Variants in PTPRD observed in about 807,000 individuals in gnomAD.
The protein encoded by PTPRD is receptor-type tyrosine-protein phosphatase delta.
A neutral mutation model predicts 214.5 loss-of-function variants in PTPRD; 34 were observed. That is an observed-to-expected ratio of 0.16 (90% confidence interval 0.12 to 0.21). The LOEUF is 0.21. Ranked by LOEUF, PTPRD falls within the 10% of genes least tolerant of loss-of-function variation. The pLI is 1.00. For synonymous variants in PTPRD, 1,128 were observed against 845.7 expected, an observed-to-expected ratio of 1.33 and a Z score of -5.79; for missense variants, 2,545 against 2,398.7, an observed-to-expected ratio of 1.06 and a Z score of -1.27.
intron 9 of PTPRD, among the ~76,000 whole-genome samples, chr9:9,186,220 G>A (rs950198259): frequency 1.3e-5 from 2 of 152,122 alleles, no homozygotes; most frequent in Non-Finnish European, 2.9e-5. Flanking sequence ...CAATCTGGGG[G>A]AGAGAAAGAA....
At chr9:10,385,887 T>A (rs1323236894) in intron 2 of PTPRD, among the ~76,000 whole-genome samples, 1 of 151,876 alleles carries the variant, frequency 6.6e-6, no homozygotes, top group African/African-American at 2.4e-5. Context: ...TTTATGATTA[T>A]AAGAGATAAT....
At chr9:8,635,758 T>G (rs931241342) in intron 13 of PTPRD, among the ~76,000 whole-genome samples, 1 of 152,120 alleles carries the variant, frequency 6.6e-6, no homozygotes, top group East Asian at 1.9e-4. Flanking sequence ...TTCAGGCAGT[T>G]TGGGGGTATT....
intron 35 of PTPRD, among the ~76,000 whole-genome samples, chr9:8,424,281 G>A (rs1031384558): frequency 5.3e-5 from 8 of 152,098 alleles, no homozygotes; most frequent in Non-Finnish European, 1.2e-4. Flanking sequence ...GTGGTGAAAG[G>A]AAATCAACTC....
chr9:9,540,327 G>A (rs957118852), intron 8 of PTPRD, among the ~76,000 whole-genome samples: 1 of 151,808 alleles, frequency 6.6e-6, no homozygotes, highest in Non-Finnish European at 1.5e-5. Flanking sequence ...GAGGTAAAGA[G>A]ACATGATTTC....
intron 11 of PTPRD, among the ~76,000 whole-genome samples, chr9:8,981,943 T>C (rs1490096834): frequency 6.6e-6 from 1 of 152,038 alleles, no homozygotes; most frequent in Non-Finnish European, 1.5e-5. Flanking sequence ...ACTGACTCTC[T>C]AGGATGATTT....
chr9:8,328,065 T>A (rs1328372486), intron 44 of PTPRD, among the ~76,000 whole-genome samples: 1 of 152,208 alleles, frequency 6.6e-6, no homozygotes, highest in Non-Finnish European at 1.5e-5. Context: ...GTCATTATGA[T>A]GTTTGCTGGT....
intron 27 of PTPRD, among the ~76,000 whole-genome samples, chr9:8,489,329 G>C (rs1230184235): frequency 6.6e-6 from 1 of 152,186 alleles, no homozygotes; most frequent in East Asian, 1.9e-4. Context: ...CGAGATCAAA[G>C]TAATGATATA....
intron 5 of PTPRD, among the ~76,000 whole-genome samples, chr9:9,867,361 T>C: frequency 6.6e-6 from 1 of 152,176 alleles, no homozygotes; most frequent in East Asian, 1.9e-4. Flanking sequence ...TACCATATTC[T>C]CAAATTATGC....
chr9:9,112,009 T>C (rs1033863380), intron 10 of PTPRD, among the ~76,000 whole-genome samples: 1 of 152,066 alleles, frequency 6.6e-6, no homozygotes, highest in Non-Finnish European at 1.5e-5. Context: ...GCTCCAACAA[T>C]TTGTGGCTAG....
intron 2 of PTPRD, among the ~76,000 whole-genome samples, chr9:10,459,892 G>A (rs1215129029): frequency 2.0e-5 from 3 of 151,632 alleles, no homozygotes; most frequent in African/African-American, 7.3e-5. Context: ...AAATTTAATA[G>A]TATAGTTTCT....
At chr9:8,422,130 G>C (rs1426054740) in intron 35 of PTPRD, among the ~76,000 whole-genome samples, 1 of 91,992 alleles carries the variant, frequency 1.1e-5, no homozygotes, top group Non-Finnish European at 1.9e-5. Flanking sequence ...CTGGGTGAAA[G>C]AGAGAGACCC....
At chr9:9,893,519 A>G (rs974552431) in intron 5 of PTPRD, among the ~76,000 whole-genome samples, 1 of 152,134 alleles carries the variant, frequency 6.6e-6, no homozygotes, top group Non-Finnish European at 1.5e-5. Flanking sequence ...TCCTATAAAA[A>G]CTATATGTAG....
chr9:8,882,067 C>A (rs951861253), intron 11 of PTPRD, among the ~76,000 whole-genome samples: 3 of 152,100 alleles, frequency 2.0e-5, no homozygotes, highest in African/African-American at 7.2e-5. Context: ...AGAAGTCAAC[C>A]AGAGAGCAGA....
intron 2 of PTPRD, among the ~76,000 whole-genome samples, chr9:10,375,322 T>C (rs1401478645): frequency 6.6e-6 from 1 of 151,998 alleles, no homozygotes; most frequent in Non-Finnish European, 1.5e-5. Flanking sequence ...ATTTTAAAAC[T>C]ATAAGTCTGA....
At chr9:8,379,032 C>T (rs748750351) in intron 37 of PTPRD, among the ~76,000 whole-genome samples, 13 of 152,034 alleles carry the variant, frequency 8.6e-5, no homozygotes, top group Non-Finnish European at 1.8e-4. Flanking sequence ...AAGGAGTAAA[C>T]GCTGTGAAAA....
intron 7 of PTPRD, among the ~76,000 whole-genome samples, chr9:9,584,164 T>C (rs1401323417): frequency 2.0e-5 from 3 of 151,918 alleles, no homozygotes; most frequent in Middle Eastern, 3.2e-3. Flanking sequence ...GCAAGCTATG[T>C]AAAGCTTCCT....
chr9:9,991,779 T>C (rs1353294662), intron 4 of PTPRD, among the ~76,000 whole-genome samples: 1 of 151,506 alleles, frequency 6.6e-6, no homozygotes, highest in Non-Finnish European at 1.5e-5. Context: ...CCACAAGTCA[T>C]TGTCAAAAAC....
chr9:9,386,710 T>A (rs968407261), intron 9 of PTPRD, among the ~76,000 whole-genome samples: 10 of 152,144 alleles, frequency 6.6e-5, no homozygotes, highest in Non-Finnish European at 1.5e-4. Flanking sequence ...ACACAAATAT[T>A]ATGATTAATA....
At chr9:8,528,444 G>A in intron 15 of PTPRD, 147 bp downstream of exon 15, 1 of 741,822 alleles carries the variant, frequency 1.3e-6, no homozygotes, top group Non-Finnish European at 2.3e-6. Flanking sequence ...CACAAACATG[G>A]ACCACCCATT....
Sources: gnomAD v4.1 joint callset for allele counts (sites outside exome capture counted in the v4.1 genomes callset) on GRCh38, gnomAD v4.1.1 for gene constraint, MANE v1.5 for transcripts, NCBI Gene and HGNC (gene_info 2026-07-23, HGNC 2026-07-21) for gene names.